Variants in CNTN3 observed in about 807,000 individuals in gnomAD.
CNTN3 encodes contactin-3.
CNTN3 carries 60 observed loss-of-function variants against 119.1 expected under a neutral mutation model. The ratio of observed to expected loss-of-function variants is 0.50; its 90% CI spans 0.41 to 0.62. The LOEUF (loss-of-function observed/expected upper bound fraction) is 0.62. Ranked by LOEUF, CNTN3 falls within the 20% of genes least tolerant of loss-of-function variation. CNTN3 has a pLI of 0.00. For missense variants in CNTN3, 1,101 were observed against 1,242.4 expected, an observed-to-expected ratio of 0.89 and a Z score of 1.71; for synonymous variants, 450 against 438.7, an observed-to-expected ratio of 1.03 and a Z score of -0.32.
intron 4 of CNTN3, among the ~76,000 whole-genome samples, chr3:74,450,498 C>G (rs892915617): frequency 1.3e-5 from 1 of 77,548 alleles, no homozygotes; most frequent in African/African-American, 5.9e-5. Flanking sequence ...TTATCTGAAG[C>G]CCTGTTTTTT....
chr3:74,404,641 G>T (rs1705278844), intron 5 of CNTN3, among the ~76,000 whole-genome samples: 1 of 151,784 alleles, frequency 6.6e-6, no homozygotes, highest in Admixed American at 6.6e-5. Context: ...TTTTAGTATG[G>T]GTCTGCCATA....
At chr3:74,608,737 G>C (rs925166331) in intron 1 of CNTN3, among the ~76,000 whole-genome samples, 1 of 152,148 alleles carries the variant, frequency 6.6e-6, no homozygotes, top group Non-Finnish European at 1.5e-5. Context: ...AAAAAGATTA[G>C]ACTTTCTATC....
intron 8 of CNTN3, among the ~76,000 whole-genome samples, chr3:74,366,163 C>T (rs887468504): frequency 3.3e-5 from 5 of 151,704 alleles, no homozygotes; most frequent in Admixed American, 3.3e-4. Context: ...CTGCTACAGC[C>T]GAGGAAAAAA....
At chr3:74,586,593 C>T (rs1704596892) in intron 1 of CNTN3, among the ~76,000 whole-genome samples, 1 of 152,072 alleles carries the variant, frequency 6.6e-6, no homozygotes, top group African/African-American at 2.4e-5. Flanking sequence ...TTTTTAGTTA[C>T]TTCCCTCTGT....
intron 4 of CNTN3, among the ~76,000 whole-genome samples, chr3:74,453,906 T>C (rs1404298180): frequency 1.3e-5 from 2 of 152,178 alleles, no homozygotes; most frequent in East Asian, 3.9e-4. Context: ...TCTTTTACAT[T>C]TGCTGAGGAG....
At chr3:74,546,801 C>G (rs1218748031) in intron 1 of CNTN3, among the ~76,000 whole-genome samples, 1 of 152,170 alleles carries the variant, frequency 6.6e-6, no homozygotes, top group African/African-American at 2.4e-5. Context: ...GTCAATACTG[C>G]TTAATAAACT....
intron 5 of CNTN3, among the ~76,000 whole-genome samples, chr3:74,407,852 C>G (rs1488377922): frequency 1.3e-5 from 2 of 152,174 alleles, no homozygotes; most frequent in Non-Finnish European, 1.5e-5. Flanking sequence ...TGAAAGGTAT[C>G]TCATTTTGAT....
At chr3:74,461,888 C>T (rs967243164) in intron 4 of CNTN3, among the ~76,000 whole-genome samples, 2 of 152,088 alleles carry the variant, frequency 1.3e-5, no homozygotes, top group South Asian at 4.1e-4. Context: ...ATACTGACCA[C>T]ATGGATATTA....
At chr3:74,528,754 T>C (rs1040817169) in intron 1 of CNTN3, among the ~76,000 whole-genome samples, 2 of 151,906 alleles carry the variant, frequency 1.3e-5, no homozygotes, top group African/African-American at 4.8e-5. Context: ...TTTTCAAAGG[T>C]CTGTATTAAT....
chr3:74,369,092 G>A (rs781232647), intron 8 of CNTN3, 97 bp downstream of exon 8: 1 of 815,428 alleles, frequency 1.2e-6, no homozygotes, highest in Non-Finnish European at 1.7e-6. Flanking sequence ...TTGAACATTG[G>A]GATTCTGCTA....
At chr3:74,417,212 T>C (rs763291874) in intron 5 of CNTN3, among the ~76,000 whole-genome samples, 1 of 152,158 alleles carries the variant, frequency 6.6e-6, no homozygotes, top group Admixed American at 6.6e-5. Context: ...AGCAAACTCA[T>C]CATTTTCATT....
At chr3:74,471,344 A>T (rs972769208) in intron 4 of CNTN3, among the ~76,000 whole-genome samples, 4 of 150,950 alleles carry the variant, frequency 2.6e-5, no homozygotes, top group South Asian at 2.1e-4. Flanking sequence ...AAAGTATAAT[A>T]AAAAAAAAGA....
chr3:74,486,367 G>GTA, intron 4 of CNTN3, 89 bp downstream of exon 4: 1 of 1,148,464 alleles, frequency 8.7e-7, no homozygotes, highest in South Asian at 1.4e-5. Context: ...TAAAACCCAT[G>GTA]TATTATTTCT....
At chr3:74,405,338 TA>T (rs1705298244) in intron 5 of CNTN3, among the ~76,000 whole-genome samples, 1 of 150,458 alleles carries the variant, frequency 6.6e-6, no homozygotes, top group Admixed American at 6.6e-5. Context: ...GATACGTATA[TA>T]CATACACACA....
intron 4 of CNTN3, among the ~76,000 whole-genome samples, chr3:74,460,110 C>T (rs939097659): frequency 2.6e-5 from 4 of 151,870 alleles, no homozygotes; most frequent in African/African-American, 9.7e-5. Context: ...TATTTTGTTC[C>T]TTGATCCATG....
At chr3:74,507,724 C>T (rs987552383) in intron 2 of CNTN3, among the ~76,000 whole-genome samples, 2 of 150,136 alleles carry the variant, frequency 1.3e-5, no homozygotes, top group African/African-American at 2.5e-5. Flanking sequence ...CTCTGCCTCC[C>T]GGCTTCTAGC....
chr3:74,348,434 A>G (rs570746956), intron 11 of CNTN3, among the ~76,000 whole-genome samples: 1 of 152,274 alleles, frequency 6.6e-6, no homozygotes, highest in East Asian at 1.9e-4. Flanking sequence ...GAATGCAGGG[A>G]AAGTGATGGT....
intron 1 of CNTN3, among the ~76,000 whole-genome samples, chr3:74,597,477 C>T (rs1051485217): frequency 2.6e-5 from 4 of 151,880 alleles, no homozygotes; most frequent in African/African-American, 9.7e-5. Context: ...AAAAAGAAAA[C>T]AGCCCCAAAT....
intron 1 of CNTN3, among the ~76,000 whole-genome samples, chr3:74,527,013 C>G (rs887025633): frequency 1.3e-5 from 2 of 151,848 alleles, no homozygotes; most frequent in African/African-American, 4.8e-5. Context: ...CTTGTGTGTA[C>G]TCTATGCTTT....
Sources: gnomAD v4.1 joint callset for allele counts (sites outside exome capture counted in the v4.1 genomes callset) on GRCh38, gnomAD v4.1.1 for gene constraint, MANE v1.5 for transcripts, NCBI Gene and HGNC (gene_info 2026-07-23, HGNC 2026-07-21) for gene names.